SRPRA: variants seen among roughly 807,000 people sequenced by gnomAD.
SRPRA encodes the protein SRP receptor subunit alpha.
In SRPRA, 30 loss-of-function variants were observed where a neutral mutation model predicts 61.1. The observed-to-expected ratio is 0.49, with a 90% confidence interval of 0.37 to 0.67. SRPRA has a LOEUF of 0.67. SRPRA is among the 30% of genes least tolerant of loss of function. The pLI, the probability that SRPRA is intolerant of heterozygous loss-of-function variation, is 0.00. For synonymous variants in SRPRA, 324 were observed against 299.7 expected (o/e 1.08, Z -0.84); for missense variants, 759 against 828.4 (o/e 0.92, Z 1.03).
downstream of SRPRA, among the ~76,000 whole-genome samples, chr11:126,258,069 C>T (rs1324992927): frequency 6.6e-6 from 1 of 152,138 alleles, no homozygotes; most frequent in Non-Finnish European, 1.5e-5. Flanking sequence ...TTCCTGAAAA[C>T]TTATGTAAGT....
At chr11:126,252,552 G>A in the SRPRA span, among the ~76,000 whole-genome samples, 1 of 151,934 alleles carries the variant, frequency 6.6e-6, no homozygotes, top group East Asian at 1.9e-4. The surrounding 1 kb of genome is among the most constrained non-coding windows in gnomAD (Gnocchi z 4.7). Flanking sequence ...AGACCAACCT[G>A]GGCATCATAG....
chr11:126,236,427 A>G, the SRPRA span, among the ~76,000 whole-genome samples: 1 of 151,898 alleles, frequency 6.6e-6, no homozygotes, highest in Non-Finnish European at 1.5e-5. Context: ...TCTGATTCCC[A>G]ATCCTTTGTA....
the SRPRA span, chr11:126,254,529 T>A: frequency 6.6e-7 from 1 of 1,517,472 alleles, no homozygotes; most frequent in Non-Finnish European, 9.0e-7. Context: ...TTCTTTTCAT[T>A]AAGTGAAAAC....
At chr11:126,262,068 A>G, downstream of SRPRA, 14 of 1,604,724 alleles carry the variant, frequency 8.7e-6, no homozygotes, top group African/African-American at 1.3e-5. Flanking sequence ...CTTCCAATGT[A>G]TAAACCTGTT....
At chr11:126,256,917 G>A in the SRPRA span, 1 of 1,478,860 alleles carries the variant, frequency 6.8e-7, no homozygotes, top group East Asian at 2.3e-5. This position sits in a 1 kb window ranked among gnomAD's most constrained non-coding sequence, Gnocchi z 6.6. Flanking sequence ...TTGTGTATTT[G>A]TGATGTGATG....
In SRPRA at chr11:126,264,607, C is replaced by A; in HGVS notation, c.1526-68G>T. Reference sequence around the variant, plus strand: ...CTCATGCTCGTTCCCAGCTTCCTCTCAAAAAGTCCTAGTTTGACTACCTGT... The same window carrying A: ...CTCATGCTCGTTCCCAGCTTCCTCTAAAAAAGTCCTAGTTTGACTACCTGT... On this transcript the variant is annotated intron_variant, in intron 11 of 13. Transcript: ENST00000332118. This position sits in a 1 kb window ranked among gnomAD's most constrained non-coding sequence, Gnocchi z 5.0. 1 of 1,567,094 alleles carries A rather than the reference C, an allele frequency of 6.4e-7. No homozygotes were observed. The highest frequency in any genetic ancestry group is 8.7e-7 in the Non-Finnish European group (1 of 1,155,034).
At chr11:126,250,138 C>T in the SRPRA span, among the ~76,000 whole-genome samples, 1 of 148,862 alleles carries the variant, frequency 6.7e-6, no homozygotes, top group African/African-American at 2.5e-5. This position sits in a 1 kb window ranked among gnomAD's most constrained non-coding sequence, Gnocchi z 5.1. Context: ...GTCGCCCAGG[C>T]TGGAGTGCAG....
rs1177272819 is a variant in SRPRA at position 126,267,019 on chromosome 11, C to A, written c.527-97G>T. ...CCAAATTGTTCAAAGGAAATTTGGA[C>A]CAAACATCTTGGAGTTCATAAGGCC... On this transcript the variant is annotated intron_variant, in intron 4 of 13. Transcript: ENST00000332118. This position sits in a 1 kb window ranked among gnomAD's most constrained non-coding sequence, Gnocchi z 4.2. The A allele has an allele frequency of 8.5e-6, 13 of 1,535,844 alleles. No individual in the cohort carries two copies. The East Asian group carries it at 2.9e-4, about 35-fold the overall frequency.
Position 126,268,647 on chromosome 11 carries a change from G to A in SRPRA, c.117+41C>T, listed in dbSNP as rs377241444. The A allele has an allele frequency of 5.1e-6, 8 of 1,556,358 alleles. No individual in the cohort carries two copies. In the South Asian group the frequency reaches 5.6e-5, roughly 11 times the overall value. ...TCGAAGGGGACCATGGATCGGGTCA[G>A]GAAAGAAGAGCCTGGAGTTCTGATC... On this transcript the variant is annotated intron_variant, in intron 1 of 13. Transcript: ENST00000332118.
At position 126,263,276 on chromosome 11, in the gene SRPRA, G is replaced by A. The variant is rs1950740367; in HGVS notation, c.*640C>T. 1 of 152,468 alleles carries A rather than the reference G, an allele frequency of 6.6e-6. No individual in the cohort carries two copies. Among genetic ancestry groups the A allele is most frequent in the Non-Finnish European group, 1.5e-5 (1 of 68,070 alleles). The allele number at this position is 152,468 out of a possible 1,614,324, so 9.4% of individuals were successfully genotyped here. On this transcript the variant is annotated 3_prime_UTR_variant, in exon 14 of 14. Coordinates refer to ENST00000332118, the MANE Select transcript of SRPRA (RefSeq NM_003139.4). ...AGGCCAAGAAGCCCAATGCAACGCT[G>A]CAGCTGAGCTCCTTTTATTTCTGAG... is the stretch of plus-strand genomic sequence containing the variant.
At chr11:126,262,343 G>A, downstream of SRPRA, 3 of 394,214 alleles carry the variant, frequency 7.6e-6, no homozygotes, top group Non-Finnish European at 9.6e-6. Flanking sequence ...TCAAGTTCAA[G>A]AATAAAAGCG....
At chr11:126,257,989 G>T (rs1950606537), downstream of SRPRA, among the ~76,000 whole-genome samples, 1 of 152,150 alleles carries the variant, frequency 6.6e-6, no homozygotes, top group Non-Finnish European at 1.5e-5. Flanking sequence ...ACATTGCCAG[G>T]CTCCAGAGTA....
At chr11:126,240,939 T>G in the SRPRA span, 1 of 1,614,138 alleles carries the variant, frequency 6.2e-7, no homozygotes, top group Non-Finnish European at 8.5e-7. Flanking sequence ...CTGCCATTGA[T>G]TTTGATCTTT....
In SRPRA at chr11:126,268,847, G is replaced by A. The variant is rs765920314; in HGVS notation, c.-43C>T. On this transcript the variant is annotated 5_prime_UTR_variant, in exon 1 of 14. Coordinates refer to ENST00000332118, the MANE Select transcript of SRPRA (RefSeq NM_003139.4). ...AGCTGGGGCCGGCGCCGGGAATTCA[G>A]GCCGCGTTCGCCGCCGCTTCCTGCT... The A allele has an allele frequency of 2.6e-6, 4 of 1,525,358 alleles. No homozygotes were observed. The highest frequency in any genetic ancestry group is 2.3e-5 in the East Asian group (1 of 44,400). The allele number at this position is 1,525,358 out of a possible 1,614,324, so 94.5% of individuals were successfully genotyped here.
At position 126,266,354 on chromosome 11, in the gene SRPRA, C is replaced by G. The variant is rs970314772; in HGVS notation, c.841-76G>C. ...GGAAAACGTCCACATTGCTCTATCT[C>G]TTTCATTTTGGGAAGCTCCAAGTAT... On this transcript the variant is annotated intron_variant, in intron 6 of 13. Transcript: ENST00000332118. 34 of 1,594,242 alleles carry G rather than the reference C, an allele frequency of 2.1e-5. No homozygotes were observed. The African/African-American group carries it at 4.6e-4, about 21-fold the overall frequency.
At position 126,266,602 on chromosome 11, in the gene SRPRA, C is replaced by G. The variant is rs769889357; in HGVS notation, c.714G>C (p.Lys238Asn). The change falls in exon 6 of 14, where the codon AAG becomes AAC. Residue 238 changes from lysine to asparagine, a missense_variant. Lys to Asn is a moderately conservative substitution (Grantham distance 94, BLOSUM62 0). Around this residue, in one of 2 missense-constraint regions of SRPRA, gnomAD observed 475 missense variants for 462.5 expected, o/e 1.03. Transcript: ENST00000332118. Reference sequence around the variant, plus strand: ...CCCGGGGTGCTTTTTTGCCCTTCTCCTTTGGAGCATCTGACTTCGTGGACT... The same window carrying G: ...CCCGGGGTGCTTTTTTGCCCTTCTCGTTTGGAGCATCTGACTTCGTGGACT... ...SNKSTKSDAP[K>N]EKGKKAPRVW... The G allele has an allele frequency of 6.2e-7, 1 of 1,614,090 alleles. No individual in the cohort carries two copies. Among genetic ancestry groups the G allele is most frequent in the South Asian group, 1.1e-5 (1 of 91,082 alleles).
At chr11:126,246,316 G>A in the SRPRA span, among the ~76,000 whole-genome samples, 2 of 152,106 alleles carry the variant, frequency 1.3e-5, no homozygotes, top group Non-Finnish European at 2.9e-5. Context: ...AGGGTTAACA[G>A]GCCTATCTAC....
At chr11:126,249,827 G>A in the SRPRA span, among the ~76,000 whole-genome samples, 9 of 151,372 alleles carry the variant, frequency 5.9e-5, no homozygotes, top group African/African-American at 2.2e-4. Flanking sequence ...AAGGCAAGAT[G>A]AACGGAAAGT....
the SRPRA span, among the ~76,000 whole-genome samples, chr11:126,251,984 G>A: frequency 6.6e-6 from 1 of 150,758 alleles, no homozygotes; most frequent in Non-Finnish European, 1.5e-5. Flanking sequence ...GTTTTGTTTT[G>A]TTTTGTTTTG....
Sources: allele counts gnomAD v4.1 joint callset (sites outside exome capture counted in the v4.1 genomes callset), GRCh38; gene constraint gnomAD v4.1.1; regional missense constraint gnomAD v4.1.1; non-coding constraint Gnocchi (gnomAD v3.1); transcripts MANE v1.5; gene names NCBI Gene and HGNC (gene_info 2026-07-23, HGNC 2026-07-21).